Variants in ATP13A3 observed in about 807,000 individuals in gnomAD.
ATP13A3 encodes the protein ATPase 13A3, also known as polyamine-transporting ATPase 13A3.
ATP13A3 carries 59 observed loss-of-function variants against 158.1 expected under a neutral mutation model. The ratio of observed to expected loss-of-function variants is 0.37; its 90% CI spans 0.30 to 0.46. ATP13A3 has a LOEUF of 0.46. ATP13A3 is among the 20% of genes least tolerant of loss of function. The pLI is 1.00. For missense variants in ATP13A3, 1,166 were observed against 1,525.2 expected, an observed-to-expected ratio of 0.76 and a Z score of 3.92; for synonymous variants, 491 against 504.3, an observed-to-expected ratio of 0.97 and a Z score of 0.35.
chr3:194,468,782 G>A (rs2109010756), intron 2 of ATP13A3, among the ~76,000 whole-genome samples: 1 of 152,300 alleles, frequency 6.6e-6, no homozygotes, highest in East Asian at 1.9e-4. Context: ...TCAAGTAAAA[G>A]TTCAGGCAAA....
intron 2 of ATP13A3, chr3:194,472,039 A>C (rs1720330301): frequency 6.6e-6 from 1 of 152,238 alleles, no homozygotes; most frequent in Non-Finnish European, 1.5e-5. Flanking sequence ...CAACCAGCTG[A>C]TTGCTGCAGG....
In ATP13A3 at chr3:194,455,959, T is replaced by C; in HGVS notation, c.564A>G (p.Lys188=). ...CAATTTCATTTACTCCATAAAGCAG[T>C]TTTCTATAACAGGAAAATACATTCA... ...GLTKGMHAYR[K]LLYGVNEIAV... The change falls in exon 8 of 34, where the codon AAA becomes AAG. Residue 188 remains lysine, a synonymous_variant. Coordinates refer to ENST00000645319, the MANE Select transcript of ATP13A3 (RefSeq NM_001367549.1). 1 of 1,529,258 alleles carries C rather than the reference T, an allele frequency of 6.5e-7. No individual in the cohort carries two copies. The highest frequency in any genetic ancestry group is 1.2e-5 in the South Asian group (1 of 81,780). 94.7% of individuals were successfully genotyped at this position (1,529,258 alleles called of 1,614,324 possible). A position where few individuals can be genotyped will look rare whatever the true frequency, so the allele number is the denominator to read the frequency against.
At position 194,454,407 on chromosome 3, in the gene ATP13A3, T is replaced by G. The variant is rs763930176; in HGVS notation, c.631-15A>C. 1.2e-6 allele frequency: 2 copies of G among 1,603,034 alleles called. No homozygotes were observed. The highest frequency in any genetic ancestry group is 2.2e-5 in the South Asian group (2 of 90,566). ...GGGTTGAGAACCTAAAAAACAAGAT[T>G]TTAAAGTCAAACTGAATGAGGTATT... On this transcript the variant is annotated splice_polypyrimidine_tract_variant and intron_variant, in intron 8 of 33. Coordinates refer to ENST00000645319, the MANE Select transcript of ATP13A3 (RefSeq NM_001367549.1).
Position 194,437,410 on chromosome 3 carries a change from G to A in ATP13A3, c.1900C>T (p.Arg634Cys), listed in dbSNP as rs779570755. 6 of 1,613,984 alleles carry A rather than the reference G, an allele frequency of 3.7e-6. No individual in the cohort carries two copies. The highest frequency in any genetic ancestry group is 5.1e-6 in the Non-Finnish European group (6 of 1,180,038). Residue 634 changes from arginine to cysteine, a missense_variant, in exon 19 of 34, where the codon CGT (arginine) becomes TGT (cysteine). Physicochemically the swap from Arg to Cys is radical, Grantham distance 180. Transcript: ENST00000645319. ...RQFPFSSALQ[R>C]MSVVARVLGD... The stretch of plus-strand genomic sequence containing the variant: ...AGCACCCTGGCAACCACACTCATAC[G>A]TTGCAAAGCAGAAGAAAATGGGAAC...
chr3:194,421,549 T>C (rs1323873491), intron 30 of ATP13A3, among the ~76,000 whole-genome samples: 64 of 100,096 alleles, frequency 6.4e-4, no homozygotes, highest in Non-Finnish European at 9.4e-4. Flanking sequence ...CGAGACTCCA[T>C]CTCAAAAAAA....
intron 2 of ATP13A3, among the ~76,000 whole-genome samples, chr3:194,468,399 A>C (rs1038536997): frequency 1.3e-5 from 2 of 149,986 alleles, no homozygotes; most frequent in East Asian, 1.9e-4. Context: ...AAAAAAAAAA[A>C]AAAAAACAGT....
chr3:194,462,560 C>T (rs191564127), intron 2 of ATP13A3, among the ~76,000 whole-genome samples: 205 of 152,308 alleles, frequency 1.3e-3, no homozygotes, highest in Non-Finnish European at 1.6e-3. Context: ...AGTTTCATCC[C>T]GAAACCATCC....
At chr3:194,471,324 T>TAAAAAAAAAAAAAAAAAAAAAA (rs59967046) in intron 2 of ATP13A3, among the ~76,000 whole-genome samples, 2 of 88,112 alleles carry the variant, frequency 2.3e-5, no homozygotes, top group African/African-American at 3.6e-5. Flanking sequence ...CAGCAAATTC[T>TAAAAAAAAAAAAAAAAAAAAAA]AAAAAAAAAA....
intron 6 of ATP13A3, among the ~76,000 whole-genome samples, chr3:194,457,985 C>T (rs1719355874): frequency 6.6e-6 from 1 of 151,996 alleles, no homozygotes; most frequent in African/African-American, 2.4e-5. Context: ...GGGGTTTCAC[C>T]ACGTTGGCCA....
In ATP13A3 at chr3:194,406,003, T is replaced by C. The variant is rs774071206; in HGVS notation, c.3687A>G (p.Glu1229=). ...YLAQELLVDP[E]WPPKPQTTTE... is the part of the protein sequence containing the mutation. ...TGGTTGTCTGAGGTTTTGGTGGCCA[T>C]TCTGGATCAACCAAGAGCTCCTGCG... Residue 1229 remains glutamate (E), a synonymous_variant, in exon 34 of 34, where the codon GAA becomes GAG. Transcript: ENST00000645319. 1.5e-5 allele frequency: 25 copies of C among 1,614,092 alleles called. No homozygotes were observed. The Admixed American group carries it at 4.2e-4, about 27-fold the overall frequency.
rs752286694 is a variant in ATP13A3, at chr3:194,429,717, G to A, written c.2835C>T (p.Tyr945=). ...SFCVFKFMAL[Y]SIIQYFSVTL... ...TAACACTGAAGTACTGGATAATGCT[G>A]TACAATGCCATGAATTTAAACACAC... The change falls in exon 27 of 34, where the codon TAC becomes TAT. Residue 945 remains tyrosine, a synonymous_variant. Coordinates refer to ENST00000645319, the MANE Select transcript of ATP13A3 (RefSeq NM_001367549.1). 3 of 1,613,916 alleles carry A rather than the reference G, an allele frequency of 1.9e-6. No homozygotes were observed. Among genetic ancestry groups the A allele is most frequent in the East Asian group, 4.5e-5 (2 of 44,850 alleles).
At chr3:194,484,964 G>A (rs1404145684) in intron 2 of ATP13A3, among the ~76,000 whole-genome samples, 1 of 151,890 alleles carries the variant, frequency 6.6e-6, no homozygotes, top group East Asian at 1.9e-4. Flanking sequence ...GGCTGCGACA[G>A]GAGAATCGCT....
chr3:194,480,940 G>A lies in ATP13A3; in HGVS notation c.-47+4854C>T, dbSNP rs530782991. The stretch of plus-strand genomic sequence containing the variant: ...GTGAGGATTCCAGCTCACCAAAAAA[G>A]GGACCTCTCTAAAACTACAGGAAAA... On this transcript the variant is annotated intron_variant, in intron 2 of 33. Transcript: ENST00000645319. 2.4e-4 allele frequency among the ~76,000 whole-genome samples: 37 copies of A among 152,204 alleles called. No individual in the cohort carries two copies. The South Asian group carries it at 3.9e-3, about 16-fold the overall frequency.
chr3:194,494,307 T>A lies in ATP13A3; in HGVS notation n.516-27A>T, dbSNP rs920455969. ...TGAGTAAGTGGAGAACAAGTTAACA[T>A]TGATTTTCACAACCACGATGTCAGA... On this transcript the variant is annotated intron_variant and non_coding_transcript_variant, in intron 1 of 32. Coordinates refer to the ATP13A3 transcript ENST00000687055. This position sits in a 1 kb window ranked among gnomAD's most constrained non-coding sequence, Gnocchi z 4.2. 11 of 398,414 alleles carry A rather than the reference T, an allele frequency of 2.8e-5. No individual in the cohort carries two copies. The highest frequency in any genetic ancestry group is 2.3e-4 in the African/African-American group (11 of 48,584). The allele number at this position is 398,414 out of a possible 1,614,324, so 24.7% of individuals were successfully genotyped here.
Position 194,460,922 on chromosome 3 carries a change from AG to A in ATP13A3, c.52-92del, listed in dbSNP as rs1719611655. ...TTCCAAAGTTCTTTGTTTTCCAGATAGGTATTTATTGTCTTGTCACATAAAC... is the reference window on the plus strand; with the variant it reads ...TTCCAAAGTTCTTTGTTTTCCAGATAGTATTTATTGTCTTGTCACATAAAC... On this transcript the variant is annotated intron_variant, in intron 3 of 33. Transcript: ENST00000645319. 2.2e-6 allele frequency: 3 copies of A among 1,339,980 alleles called. No individual in the cohort carries two copies. The South Asian group carries it at 4.4e-5, about 20-fold the overall frequency. The allele number at this position is 1,339,980 out of a possible 1,614,324, so 83.0% of individuals were successfully genotyped here.
At chr3:194,464,818 T>C (rs1032198109) in intron 2 of ATP13A3, among the ~76,000 whole-genome samples, 1 of 152,196 alleles carries the variant, frequency 6.6e-6, no homozygotes, top group Non-Finnish European at 1.5e-5. Context: ...GGTCTCACTA[T>C]GTTGCCCAGG....
At position 194,431,041 on chromosome 3, in the gene ATP13A3, A is replaced by AT. The variant is rs754165107; in HGVS notation, c.2545-20dup. 12 of 1,613,376 alleles carry AT rather than the reference A, an allele frequency of 7.4e-6. No homozygotes were observed. Among genetic ancestry groups the AT allele is most frequent in the Non-Finnish European group, 9.3e-6 (11 of 1,179,614 alleles). On this transcript the variant is annotated intron_variant, in intron 23 of 33. Coordinates refer to ENST00000645319, the MANE Select transcript of ATP13A3 (RefSeq NM_001367549.1). ...ACATCAACTGGAAACAATAATACAA[A>AT]TTTTTTTAAAATACTGTTGCGATGC... is the stretch of plus-strand genomic sequence containing the variant.
intron 2 of ATP13A3, among the ~76,000 whole-genome samples, chr3:194,464,495 G>A (rs755806528): frequency 3.3e-5 from 5 of 152,182 alleles, no homozygotes; most frequent in African/African-American, 4.8e-5. Context: ...TTGGGTGGCA[G>A]TTATTTTCAA....
intron 31 of ATP13A3, among the ~76,000 whole-genome samples, chr3:194,419,535 C>T (rs1716137122): frequency 6.6e-6 from 1 of 151,980 alleles, no homozygotes; most frequent in African/African-American, 2.4e-5. Flanking sequence ...AATTGAAGAA[C>T]TAAATGGCCA....
Sources: gnomAD v4.1 joint callset for allele counts (sites outside exome capture counted in the v4.1 genomes callset) on GRCh38, gnomAD v4.1.1 for gene constraint, Gnocchi (gnomAD v3.1) non-coding constraint, MANE v1.5 for transcripts, NCBI Gene and HGNC (gene_info 2026-07-23, HGNC 2026-07-21) for gene names.